TRPS1: variants seen among roughly 807,000 people sequenced by gnomAD.
TRPS1 encodes the protein zinc finger transcription factor Trps1.
Under a neutral mutation model 101.2 loss-of-function variants are expected in TRPS1, and 6 were observed. That is an observed-to-expected ratio of 0.06 (90% CI 0.03 to 0.12). TRPS1 has a LOEUF of 0.12. TRPS1 is among the 10% of genes least tolerant of loss of function. TRPS1 has a pLI of 1.00. For synonymous variants in TRPS1, 578 were observed against 589.8 expected, an observed-to-expected ratio of 0.98 and a Z score of 0.29; for missense variants, 1,363 against 1,567.0, an observed-to-expected ratio of 0.87 and a Z score of 2.20.
chr8:115,533,571 C>T (rs193214608), intron 5 of TRPS1, among the ~76,000 whole-genome samples: 2 of 150,718 alleles, frequency 1.3e-5, no homozygotes, highest in African/African-American at 2.4e-5. Context: ...ACAAACTCTA[C>T]ACCTGCTTTT....
chr8:115,582,654 C>T (rs1586426743), intron 5 of TRPS1, among the ~76,000 whole-genome samples: 1 of 152,128 alleles, frequency 6.6e-6, no homozygotes, highest in East Asian at 1.9e-4. Context: ...GGAGGCCCTT[C>T]CTTTGAAAGT....
At chr8:115,536,594 C>A (rs1816329164) in intron 5 of TRPS1, among the ~76,000 whole-genome samples, 1 of 151,238 alleles carries the variant, frequency 6.6e-6, no homozygotes, top group Non-Finnish European at 1.5e-5. Context: ...AACAACTCCT[C>A]ATTTTTGCCA....
At chr8:115,421,420 C>T (rs1438652733) in intron 5 of TRPS1, among the ~76,000 whole-genome samples, 3 of 152,050 alleles carry the variant, frequency 2.0e-5, no homozygotes, top group Non-Finnish European at 4.4e-5. Context: ...AGTTTTCAGC[C>T]CTTGAATCTT....
chr8:115,513,628 G>A (rs1243513349), intron 5 of TRPS1, among the ~76,000 whole-genome samples: 2 of 151,520 alleles, frequency 1.3e-5, no homozygotes, highest in Non-Finnish European at 3.0e-5. Context: ...TATTGTGTAT[G>A]GCTACTTTCA....
intron 1 of TRPS1, among the ~76,000 whole-genome samples, chr8:115,641,462 C>T (rs564901982): frequency 6.6e-6 from 1 of 152,194 alleles, no homozygotes; most frequent in African/African-American, 2.4e-5. Flanking sequence ...ATTATTCTTT[C>T]AACCTATACC....
chr8:115,482,098 CTCAG>C (rs1814768352), intron 5 of TRPS1, among the ~76,000 whole-genome samples: 1 of 152,152 alleles, frequency 6.6e-6, no homozygotes, highest in Non-Finnish European at 1.5e-5. Context: ...AAACTGGGGA[CTCAG>C]TCAGGACTGC....
intron 3 of TRPS1, among the ~76,000 whole-genome samples, chr8:115,608,728 G>A (rs1327635892): frequency 2.0e-5 from 3 of 151,526 alleles, no homozygotes; most frequent in Non-Finnish European, 2.9e-5. Flanking sequence ...GGCCAATATG[G>A]TAGCCACTAG....
intron 3 of TRPS1, among the ~76,000 whole-genome samples, chr8:115,607,509 T>C (rs1009181607): frequency 2.0e-5 from 3 of 151,792 alleles, no homozygotes; most frequent in Non-Finnish European, 4.4e-5. Flanking sequence ...TTAATTATGC[T>C]GAAGAATGAA....
intron 5 of TRPS1, among the ~76,000 whole-genome samples, chr8:115,481,165 G>GA (rs1219471273): frequency 6.6e-6 from 1 of 151,972 alleles, no homozygotes; most frequent in Non-Finnish European, 1.5e-5. Flanking sequence ...GATATACACA[G>GA]ATTTGACTTG....
chr8:115,449,149 A>T (rs1813806975), intron 5 of TRPS1, among the ~76,000 whole-genome samples: 1 of 152,198 alleles, frequency 6.6e-6, no homozygotes, highest in Admixed American at 6.5e-5. Flanking sequence ...CCTCTGTTAT[A>T]AAGAAAGGAA....
At chr8:115,642,727 C>T (rs960746113) in intron 1 of TRPS1, among the ~76,000 whole-genome samples, 1 of 151,524 alleles carries the variant, frequency 6.6e-6, no homozygotes, top group South Asian at 2.1e-4. Flanking sequence ...TAAAAAAATG[C>T]TTTGATAATC....
chr8:115,570,689 T>TCACACA (rs35198890), intron 5 of TRPS1, among the ~76,000 whole-genome samples: 41 of 95,774 alleles, frequency 4.3e-4, no homozygotes, highest in African/African-American at 1.4e-3. Flanking sequence ...ACACACACAC[T>TCACACA]CACACACACA....
At chr8:115,608,894 G>A (rs765553850) in intron 3 of TRPS1, among the ~76,000 whole-genome samples, 68 of 147,324 alleles carry the variant, frequency 4.6e-4, no homozygotes, top group Non-Finnish European at 1.8e-4. Flanking sequence ...CACCCAGGCT[G>A]GAGTGCAATG....
chr8:115,533,270 A>G (rs1040323676), intron 5 of TRPS1, among the ~76,000 whole-genome samples: 3 of 152,030 alleles, frequency 2.0e-5, no homozygotes, highest in Non-Finnish European at 1.5e-5. Flanking sequence ...ATACTCTCCC[A>G]CCACCCTCTG....
intron 1 of TRPS1, among the ~76,000 whole-genome samples, chr8:115,641,624 C>T (rs761909090): frequency 3.3e-5 from 5 of 152,144 alleles, no homozygotes; most frequent in Non-Finnish European, 7.4e-5. Flanking sequence ...GAAATGAAAA[C>T]TCCATTTTCA....
At chr8:115,434,524 T>A (rs1813402371) in intron 5 of TRPS1, among the ~76,000 whole-genome samples, 1 of 152,150 alleles carries the variant, frequency 6.6e-6, no homozygotes, top group South Asian at 2.1e-4. Context: ...TCACTTAAGG[T>A]TCATAAAATT....
At chr8:115,539,579 C>A (rs1484917139) in intron 5 of TRPS1, among the ~76,000 whole-genome samples, 3 of 152,144 alleles carry the variant, frequency 2.0e-5, no homozygotes, top group Non-Finnish European at 4.4e-5. Context: ...GTGGCTCATG[C>A]CTGTAATTCC....
chr8:115,422,370 T>A (rs547108760), intron 5 of TRPS1, among the ~76,000 whole-genome samples: 3 of 123,790 alleles, frequency 2.4e-5, no homozygotes, highest in South Asian at 4.5e-4. Flanking sequence ...CTTTCCACAC[T>A]TTTTTTTTTT....
At chr8:115,578,098 A>C (rs1817362143) in intron 5 of TRPS1, among the ~76,000 whole-genome samples, 1 of 152,228 alleles carries the variant, frequency 6.6e-6, no homozygotes, top group Non-Finnish European at 1.5e-5. Flanking sequence ...TATACTGCAT[A>C]TGCAATATAA....
Sources: gnomAD v4.1 joint callset for allele counts (sites outside exome capture counted in the v4.1 genomes callset) on GRCh38, gnomAD v4.1.1 for gene constraint, MANE v1.5 for transcripts, NCBI Gene and HGNC (gene_info 2026-07-23, HGNC 2026-07-21) for gene names.